THEMIS: variants seen among roughly 807,000 people sequenced by gnomAD.
THEMIS encodes the protein protein THEMIS.
In THEMIS, 37 loss-of-function variants were observed where a neutral mutation model predicts 52.6. That is an observed-to-expected ratio of 0.70 (90% CI 0.54 to 0.93). The LOEUF (loss-of-function observed/expected upper bound fraction) is 0.93, where lower values mean the gene tolerates loss of function less well. Ranked by LOEUF, THEMIS falls within the 40% of genes least tolerant of loss-of-function variation. The pLI is 0.00. For synonymous variants in THEMIS, 292 were observed against 272.7 expected, an observed-to-expected ratio of 1.07 and a Z score of -0.70; for missense variants, 808 against 763.1, an observed-to-expected ratio of 1.06 and a Z score of -0.69.
intron 1 of THEMIS, among the ~76,000 whole-genome samples, chr6:127,892,130 A>G (rs1054959369): frequency 6.6e-6 from 1 of 152,102 alleles, no homozygotes; most frequent in Non-Finnish European, 1.5e-5. Flanking sequence ...TCTGGCCTTC[A>G]AGGCCTACAA....
chr6:127,866,977 A>ATTTATTTATTTT lies in THEMIS; in HGVS notation c.92-11790_92-11789insAAAATAAATAAA, dbSNP rs1242980363. On this transcript the variant is annotated intron_variant, in intron 1 of 5. Coordinates refer to ENST00000368248, the MANE Select transcript of THEMIS (RefSeq NM_001010923.3). ...TATTTATTTATTTATTTATTTATTT[A>ATTTATTTATTTT]TTTTTTACTTTTGATAGAACTCAGT... 1.5e-4 allele frequency among the ~76,000 whole-genome samples: 23 copies of ATTTATTTATTTT among 150,664 alleles called. No homozygotes were observed. In the East Asian group the frequency reaches 2.5e-3, roughly 17 times the overall value.
At chr6:127,872,811 T>TA (rs1303269382) in intron 1 of THEMIS, among the ~76,000 whole-genome samples, 1 of 151,894 alleles carries the variant, frequency 6.6e-6, no homozygotes, top group Non-Finnish European at 1.5e-5. Flanking sequence ...GAAAATAAAA[T>TA]AAAAATCATA....
chr6:127,706,792 G>T (rs1431007070), downstream of THEMIS, among the ~76,000 whole-genome samples: 2 of 152,132 alleles, frequency 1.3e-5, no homozygotes. Context: ...AAGTAAGGGA[G>T]TGACCTGTGT....
chr6:127,697,326 A>G, the THEMIS span, among the ~76,000 whole-genome samples: 1 of 152,150 alleles, frequency 6.6e-6, no homozygotes, highest in Non-Finnish European at 1.5e-5. Context: ...ACAAAATTTG[A>G]TTCTCATTCT....
At chr6:127,797,428 A>G (rs913616229) in intron 4 of THEMIS, among the ~76,000 whole-genome samples, 1 of 152,152 alleles carries the variant, frequency 6.6e-6, no homozygotes, top group Non-Finnish European at 1.5e-5. Flanking sequence ...TCTCAAGTTC[A>G]CACCTTGTCT....
intron 4 of THEMIS, among the ~76,000 whole-genome samples, chr6:127,723,917 T>C (rs1018092605): frequency 6.6e-6 from 1 of 152,096 alleles, no homozygotes; most frequent in African/African-American, 2.4e-5. Flanking sequence ...GTAAAAACTA[T>C]GCATGCCCTG....
At chr6:127,834,232 T>C (rs1778795524) in intron 2 of THEMIS, among the ~76,000 whole-genome samples, 1 of 152,088 alleles carries the variant, frequency 6.6e-6, no homozygotes, top group African/African-American at 2.4e-5. Flanking sequence ...TGAGGGAAAC[T>C]AAGTGAGACT....
At chr6:127,727,445 G>A (rs895080163) in intron 4 of THEMIS, among the ~76,000 whole-genome samples, 3 of 152,088 alleles carry the variant, frequency 2.0e-5, no homozygotes, top group Non-Finnish European at 4.4e-5. Flanking sequence ...TGTCCAGCAG[G>A]GCGACAGTTG....
At chr6:127,750,458 A>C (rs1775601075) in intron 4 of THEMIS, among the ~76,000 whole-genome samples, 1 of 151,864 alleles carries the variant, frequency 6.6e-6, no homozygotes, top group African/African-American at 2.4e-5. Flanking sequence ...GAACCAACTC[A>C]CTAATTATAG....
intron 5 of THEMIS, among the ~76,000 whole-genome samples, chr6:127,718,249 T>C (rs1180071398): frequency 6.6e-6 from 1 of 151,946 alleles, no homozygotes; most frequent in African/African-American, 2.4e-5. Context: ...GGGTAATTTC[T>C]AAATAAATGC....
intron 2 of THEMIS, among the ~76,000 whole-genome samples, chr6:127,845,661 T>C (rs1451696242): frequency 2.0e-5 from 3 of 151,926 alleles, no homozygotes; most frequent in African/African-American, 7.2e-5. Context: ...GTTGTCTCTT[T>C]GATCTCATTT....
At chr6:127,833,226 T>C (rs1778761213) in intron 2 of THEMIS, among the ~76,000 whole-genome samples, 1 of 152,192 alleles carries the variant, frequency 6.6e-6, no homozygotes, top group Non-Finnish European at 1.5e-5. Context: ...ATGAATGTAG[T>C]CTTTCAAGTC....
intron 1 of THEMIS, among the ~76,000 whole-genome samples, chr6:127,874,218 A>G (rs1030261688): frequency 1.7e-4 from 26 of 152,302 alleles, no homozygotes; most frequent in African/African-American, 6.3e-4. Flanking sequence ...TGCTTCCAAC[A>G]CTTGAGCTCA....
At chr6:127,883,326 G>C (rs1780544196) in intron 1 of THEMIS, among the ~76,000 whole-genome samples, 1 of 151,592 alleles carries the variant, frequency 6.6e-6, no homozygotes, top group Non-Finnish European at 1.5e-5. Flanking sequence ...TGACAAACAG[G>C]AGACCCTAAA....
At chr6:127,757,787 T>C in intron 4 of THEMIS, among the ~76,000 whole-genome samples, 1 of 152,202 alleles carries the variant, frequency 6.6e-6, no homozygotes, top group Middle Eastern at 3.4e-3. Context: ...CCGGCCCATA[T>C]ATCACATTTT....
At chr6:127,707,244 AT>A, downstream of THEMIS, among the ~76,000 whole-genome samples, 1 of 152,238 alleles carries the variant, frequency 6.6e-6, no homozygotes, top group East Asian at 1.9e-4. Flanking sequence ...CGAGATTTAG[AT>A]GGGGACACAT....
chr6:127,770,474 G>T (rs1317104855), intron 4 of THEMIS, among the ~76,000 whole-genome samples: 1 of 151,994 alleles, frequency 6.6e-6, no homozygotes, highest in Non-Finnish European at 1.5e-5. Flanking sequence ...GGGGTTGTTT[G>T]ATTTTTTTCC....
At chr6:127,824,723 T>C (rs1778447119) in intron 3 of THEMIS, among the ~76,000 whole-genome samples, 1 of 152,178 alleles carries the variant, frequency 6.6e-6, no homozygotes, top group South Asian at 2.1e-4. Flanking sequence ...GGTCTCGATC[T>C]CCTGACCTCG....
At chr6:127,740,108 C>T (rs929189599) in intron 4 of THEMIS, among the ~76,000 whole-genome samples, 2 of 152,134 alleles carry the variant, frequency 1.3e-5, no homozygotes, top group African/African-American at 4.8e-5. Context: ...TAATTCTCCC[C>T]TGATTCCTCC....
Sources: gnomAD v4.1 joint callset for allele counts (sites outside exome capture counted in the v4.1 genomes callset) on GRCh38, gnomAD v4.1.1 for gene constraint, MANE v1.5 for transcripts, NCBI Gene and HGNC (gene_info 2026-07-23, HGNC 2026-07-21) for gene names.